The following CCDC141 variants were observed in gnomAD, a reference collection of about 807,000 sequenced individuals.
The protein encoded by CCDC141 is coiled-coil domain containing 141.
A neutral mutation model predicts 181.0 loss-of-function variants in CCDC141; 168 were observed. That is an observed-to-expected ratio of 0.93 (90% CI 0.82 to 1.05). The LOEUF (loss-of-function observed/expected upper bound fraction) is 1.05, where lower values mean the gene tolerates loss of function less well. CCDC141 is among the 50% of genes least tolerant of loss of function. The pLI, the probability that CCDC141 is intolerant of heterozygous loss-of-function variation, is 0.00. For synonymous variants in CCDC141, 666 were observed against 642.3 expected, an observed-to-expected ratio of 1.04 and a Z score of -0.56; for missense variants, 1,902 against 1,788.5, an observed-to-expected ratio of 1.06 and a Z score of -1.14.
At chr2:178,857,432 G>C (rs1685434004) in intron 17 of CCDC141, among the ~76,000 whole-genome samples, 1 of 152,152 alleles carries the variant, frequency 6.6e-6, no homozygotes, top group South Asian at 2.1e-4. Context: ...AACAATAAAA[G>C]TAAAGTGAGA....
intron 2 of CCDC141, among the ~76,000 whole-genome samples, chr2:179,016,806 A>G (rs2042556530): frequency 6.6e-6 from 1 of 152,114 alleles, no homozygotes; most frequent in South Asian, 2.1e-4. Flanking sequence ...GAGGTTTGGC[A>G]TCAGGGTGGA....
In CCDC141 at chr2:178,885,741, T is replaced by C. The variant is rs115042040; in HGVS notation, c.1528-649A>G. ...AAATTGTGGGCATGACGATTATGCA[T>C]GTCATAGAAAGAGCCATGTAAAATT... On this transcript the variant is annotated intron_variant, in intron 10 of 23. Coordinates refer to ENST00000443758, the MANE Select transcript of CCDC141 (RefSeq NM_173648.4). 4.4e-3 allele frequency among the ~76,000 whole-genome samples: 669 copies of C among 152,326 alleles called. 5 individuals carry two copies. Among genetic ancestry groups the C allele is most frequent in the Non-Finnish European group, 8.2e-3 (560 of 68,034 alleles).
intron 2 of CCDC141, among the ~76,000 whole-genome samples, chr2:179,023,664 C>T (rs2042749982): frequency 1.3e-5 from 2 of 152,150 alleles, no homozygotes; most frequent in African/African-American, 4.8e-5. Context: ...ACTTAATGTG[C>T]ACCAACACAA....
intron 4 of CCDC141, among the ~76,000 whole-genome samples, chr2:178,969,874 C>A (rs1197803472): frequency 1.3e-5 from 2 of 152,182 alleles, no homozygotes; most frequent in Non-Finnish European, 2.9e-5. Context: ...ATTTAGAAAA[C>A]CCTATCATCT....
chr2:178,911,617 T>C (rs1688222747), intron 7 of CCDC141, among the ~76,000 whole-genome samples: 1 of 152,216 alleles, frequency 6.6e-6, no homozygotes, highest in African/African-American at 2.4e-5. Context: ...TGAGACTCTC[T>C]GAAGTAGATG....
chr2:179,048,114 A>G (rs1332429941), intron 1 of CCDC141, among the ~76,000 whole-genome samples: 1 of 152,228 alleles, frequency 6.6e-6, no homozygotes, highest in East Asian at 1.9e-4. Context: ...TTTCCTGAGG[A>G]ATTGCTTTTC....
intron 7 of CCDC141, among the ~76,000 whole-genome samples, chr2:178,915,959 T>C (rs1194722213): frequency 6.6e-6 from 1 of 152,180 alleles, no homozygotes; most frequent in Non-Finnish European, 1.5e-5. Context: ...GCTGGGAGAA[T>C]TGATGTGGCA....
chr2:178,966,756 C>G (rs954990263), intron 4 of CCDC141, among the ~76,000 whole-genome samples: 5 of 151,750 alleles, frequency 3.3e-5, no homozygotes, highest in Admixed American at 2.6e-4. Flanking sequence ...ATGAGTTTGA[C>G]GAATGAAAGA....
chr2:178,951,547 T>C (rs1241482488), intron 5 of CCDC141, among the ~76,000 whole-genome samples: 2 of 152,208 alleles, frequency 1.3e-5, no homozygotes, highest in Non-Finnish European at 2.9e-5. Context: ...TTTAACAGTC[T>C]CCCTACAACA....
intron 2 of CCDC141, among the ~76,000 whole-genome samples, chr2:179,013,125 A>G (rs185665450): frequency 1.9e-4 from 29 of 152,260 alleles, no homozygotes; most frequent in South Asian, 6.2e-4. Context: ...GAGCAATCAG[A>G]CAAGAGAAAG....
chr2:178,860,235 C>G lies in CCDC141; in HGVS notation c.2725-3838G>C, dbSNP rs187046424. Among the ~76,000 whole-genome samples the G allele has an allele frequency of 3.6e-3, 553 of 152,194 alleles. 2 individuals carry two copies. Among genetic ancestry groups the G allele is most frequent in the Non-Finnish European group, 5.9e-3 (402 of 68,004 alleles). ...GGATGCTTCATTCAAAATCAAGAGA[C>G]CCAAAAGTTCAAAATTTAACCCAAA... On this transcript the variant is annotated intron_variant, in intron 17 of 23. Coordinates refer to ENST00000443758, the MANE Select transcript of CCDC141 (RefSeq NM_173648.4).
intron 11 of CCDC141, among the ~76,000 whole-genome samples, chr2:178,879,443 T>C (rs1686495847): frequency 6.6e-6 from 1 of 152,194 alleles, no homozygotes; most frequent in Non-Finnish European, 1.5e-5. Context: ...CCATATTCCA[T>C]TTATACATGC....
chr2:178,983,757 T>A (rs1427783184), intron 2 of CCDC141, among the ~76,000 whole-genome samples: 1 of 151,084 alleles, frequency 6.6e-6, no homozygotes, highest in African/African-American at 2.4e-5. Flanking sequence ...AGAAGGAAAG[T>A]TTAGAGAAAA....
intron 2 of CCDC141, among the ~76,000 whole-genome samples, chr2:178,988,811 G>A (rs1691887917): frequency 6.6e-6 from 1 of 152,110 alleles, no homozygotes; most frequent in African/African-American, 2.4e-5. Context: ...TAGACATATA[G>A]GGTAATGGCC....
chr2:178,842,261 T>G (rs1684757868), intron 22 of CCDC141, among the ~76,000 whole-genome samples: 1 of 152,208 alleles, frequency 6.6e-6, no homozygotes, highest in Non-Finnish European at 1.5e-5. Context: ...GAGGCTGATC[T>G]TTGTCTTTTT....
At chr2:178,956,009 C>T (rs1018260582) in intron 5 of CCDC141, among the ~76,000 whole-genome samples, 7 of 152,114 alleles carry the variant, frequency 4.6e-5, no homozygotes, top group Non-Finnish European at 7.4e-5. Flanking sequence ...TTATCTTTTT[C>T]AGACATGATG....
At chr2:178,936,949 T>A (rs143420129) in intron 6 of CCDC141, among the ~76,000 whole-genome samples, 1,656 of 152,316 alleles carry the variant, frequency 0.011, 35 homozygotes, top group African/African-American at 0.037. Flanking sequence ...TGATTTTGTA[T>A]CCTGAAACTT....
chr2:178,864,708 G>A (rs1206196168), intron 17 of CCDC141, among the ~76,000 whole-genome samples: 1 of 152,160 alleles, frequency 6.6e-6, no homozygotes, highest in African/African-American at 2.4e-5. Flanking sequence ...TACAGGAACG[G>A]CCACTTCAGA....
rs1558956798 is a variant in CCDC141 at position 178,888,404 on chromosome 2, A to G, written c.1407+123T>C. The G allele has an allele frequency of 3.7e-6, 3 of 808,642 alleles. No homozygotes were observed. In the Admixed American group the frequency reaches 6.9e-5, roughly 19 times the overall value. 50.1% of individuals were successfully genotyped at this position (808,642 alleles called of 1,614,324 possible). ...CTGTTTAGTTCAATTAAAGGACCCA[A>G]TGTGGTACATAAGGGCAGCCTAAGG... On this transcript the variant is annotated intron_variant, in intron 9 of 23. Coordinates refer to ENST00000443758, the MANE Select transcript of CCDC141 (RefSeq NM_173648.4).
Sources: gnomAD v4.1 joint callset for allele counts (sites outside exome capture counted in the v4.1 genomes callset) on GRCh38, gnomAD v4.1.1 for gene constraint, MANE v1.5 for transcripts, NCBI Gene and HGNC (gene_info 2026-07-23, HGNC 2026-07-21) for gene names.